Variants in GLCE observed in about 807,000 individuals in gnomAD.
GLCE encodes glucuronic acid epimerase.
GLCE carries 19 observed loss-of-function variants against 47.9 expected under a neutral mutation model. That is an observed-to-expected ratio of 0.40 (90% CI 0.28 to 0.58). The LOEUF (loss-of-function observed/expected upper bound fraction) is 0.58, where lower values mean the gene tolerates loss of function less well. Among genes scored for constraint, GLCE ranks in the 20% least tolerant of loss-of-function variants. GLCE has a pLI of 0.48. For synonymous variants in GLCE, 245 were observed against 263.4 expected, an observed-to-expected ratio of 0.93 and a Z score of 0.68; for missense variants, 556 against 743.3, an observed-to-expected ratio of 0.75 and a Z score of 2.93.
chr15:69,269,338 T>A lies in GLCE; in HGVS notation c.*94T>A. On this transcript the variant is annotated 3_prime_UTR_variant, in exon 5 of 5. Transcript: ENST00000261858. ...CATAGGCACATTTTAAAAGGTTATGTACTAGGTTTTTGTGGATTCTATCAA... is the reference window on the plus strand; with the variant it reads ...CATAGGCACATTTTAAAAGGTTATGAACTAGGTTTTTGTGGATTCTATCAA... 1 of 985,460 alleles carries A rather than the reference T, an allele frequency of 1.0e-6. No individual in the cohort carries two copies. The highest frequency in any genetic ancestry group is 2.4e-5 in the East Asian group (1 of 41,690). The allele number at this position is 985,460 out of a possible 1,614,324, so 61.0% of individuals were successfully genotyped here.
chr15:69,188,124 T>A (rs965445603), intron 1 of GLCE, among the ~76,000 whole-genome samples: 6 of 152,020 alleles, frequency 3.9e-5, no homozygotes, highest in Admixed American at 3.9e-4. Flanking sequence ...ATGCCTGTAG[T>A]CCTAGCTACC....
chr15:69,172,599 TCTTAACGATA>T (rs2051604829), intron 1 of GLCE, among the ~76,000 whole-genome samples: 6 of 81,558 alleles, frequency 7.4e-5, no homozygotes, highest in African/African-American at 1.7e-4. Context: ...TTTGACATCC[TCTTAACGATA>T]TCTTTTTAGA....
chr15:69,244,745 A>C (rs1023000285), intron 2 of GLCE, among the ~76,000 whole-genome samples: 2 of 152,174 alleles, frequency 1.3e-5, no homozygotes, highest in Admixed American at 6.5e-5. Context: ...TAGGGAATGC[A>C]CAAAATTTTT....
rs1350083109 is a variant in GLCE, at chr15:69,261,143, G to T, written c.643G>T (p.Ala215Ser). Residue 215 changes from alanine (A) to serine (S), a missense_variant, in exon 4 of 5, where the codon GCA (alanine) becomes TCA (serine). Transcript: ENST00000261858. ...AGGCTATTTCTATCCAATCCAGATT[G>T]CACAGTATGGATTAAGTCATTACAG... Reference protein sequence around the residue: ...PQGYFYPIQIAQYGLSHYSKN... With the variant: ...PQGYFYPIQISQYGLSHYSKN... 2 of 1,613,130 alleles carry T rather than the reference G, an allele frequency of 1.2e-6. No individual in the cohort carries two copies. The highest frequency in any genetic ancestry group is 3.3e-5 in the Admixed American group (2 of 60,022).
At chr15:69,221,684 G>A (rs559048817) in intron 2 of GLCE, among the ~76,000 whole-genome samples, 20 of 151,882 alleles carry the variant, frequency 1.3e-4, no homozygotes, top group East Asian at 5.8e-4. Flanking sequence ...CCATCATGAC[G>A]AAACCCCGTC....
In GLCE at chr15:69,268,166, A is replaced by G. The variant is rs2053111426; in HGVS notation, c.830-54A>G. On this transcript the variant is annotated intron_variant, in intron 4 of 4. Coordinates refer to ENST00000261858, the MANE Select transcript of GLCE (RefSeq NM_015554.3). The stretch of plus-strand genomic sequence containing the variant: ...AGGATGAATTGCAATTCAATTTCAA[A>G]TACAAAAGTGCTTTTATTCTAACCA... 6.0e-6 allele frequency: 7 copies of G among 1,158,330 alleles called. No individual in the cohort carries two copies. In the South Asian group the frequency reaches 1.2e-4, roughly 19 times the overall value. 71.8% of individuals were successfully genotyped at this position (1,158,330 alleles called of 1,614,324 possible).
intron 2 of GLCE, among the ~76,000 whole-genome samples, chr15:69,222,183 A>G (rs577415747): frequency 2.0e-5 from 3 of 152,324 alleles, no homozygotes; most frequent in African/African-American, 7.2e-5. Flanking sequence ...AGCTGAGCCC[A>G]GGCTGGGCTA....
intron 1 of GLCE, among the ~76,000 whole-genome samples, chr15:69,182,298 T>TGTGTGTGTGTGA (rs1446237319): frequency 2.1e-5 from 3 of 145,720 alleles, no homozygotes; most frequent in Non-Finnish European, 4.5e-5. Flanking sequence ...TGTGTGTGTG[T>TGTGTGTGTGTGA]GAGAGAGAGA....
At chr15:69,225,454 G>A (rs2140395780) in intron 2 of GLCE, among the ~76,000 whole-genome samples, 1 of 152,232 alleles carries the variant, frequency 6.6e-6, no homozygotes, top group South Asian at 2.1e-4. Flanking sequence ...GGTTTTGAGG[G>A]GCAGTTGTTA....
chr15:69,257,134 T>C (rs2052936784), intron 3 of GLCE, among the ~76,000 whole-genome samples: 1 of 152,176 alleles, frequency 6.6e-6, no homozygotes, highest in Non-Finnish European at 1.5e-5. Context: ...TAACTAAATA[T>C]ATATTTTTTG....
chr15:69,209,357 G>A (rs970308939), intron 1 of GLCE, among the ~76,000 whole-genome samples: 4 of 152,004 alleles, frequency 2.6e-5, no homozygotes, highest in Non-Finnish European at 2.9e-5. Flanking sequence ...ATTATGTTAG[G>A]AGACGTTGGG....
chr15:69,254,558 C>G (rs1566970045), intron 2 of GLCE, among the ~76,000 whole-genome samples: 1 of 152,012 alleles, frequency 6.6e-6, no homozygotes, highest in Non-Finnish European at 1.5e-5. Context: ...AGGGTAGTAA[C>G]AATGTAGTTG....
chr15:69,239,511 G>A (rs1214247757), intron 2 of GLCE, among the ~76,000 whole-genome samples: 2 of 152,096 alleles, frequency 1.3e-5, no homozygotes, highest in African/African-American at 4.8e-5. Context: ...TTCCTCACAG[G>A]TACAGATAGC....
At position 69,268,329 on chromosome 15, in the gene GLCE, A is replaced by G. The variant is rs764552909; in HGVS notation, c.939A>G (p.Thr313=). 6.2e-7 allele frequency: 1 copy of G among 1,613,096 alleles called. No individual in the cohort carries two copies. The highest frequency in any genetic ancestry group is 1.1e-5 in the South Asian group (1 of 91,056). ...GTGTGTCCGTGGTTCTAGAGACCAC[A>G]GAAAAGAATCAGCTCTTCACTATAC... is the stretch of plus-strand genomic sequence containing the variant. The part of the protein sequence containing the change: ...NGSVSVVLET[T]EKNQLFTIHY... The change falls in exon 5 of 5, where the codon ACA becomes ACG. Residue 313 remains threonine (T), a synonymous_variant. Transcript: ENST00000261858.
intron 1 of GLCE, among the ~76,000 whole-genome samples, chr15:69,162,685 C>G (rs2051442984): frequency 6.6e-6 from 1 of 152,128 alleles, no homozygotes; most frequent in African/African-American, 2.4e-5. Flanking sequence ...GCTTCCCATC[C>G]CCACCCCCAG....
chr15:69,218,708 T>G (rs1271096319), intron 2 of GLCE, among the ~76,000 whole-genome samples: 2 of 152,212 alleles, frequency 1.3e-5, no homozygotes, highest in Non-Finnish European at 2.9e-5. Context: ...ACTGTCAGTA[T>G]AATACCTATT....
At chr15:69,256,933 A>C (rs1383439355) in intron 3 of GLCE, among the ~76,000 whole-genome samples, 1 of 152,228 alleles carries the variant, frequency 6.6e-6, no homozygotes, top group African/African-American at 2.4e-5. Flanking sequence ...GGATACAATT[A>C]ATATGCTTTG....
intron 1 of GLCE, among the ~76,000 whole-genome samples, chr15:69,163,474 G>A (rs1426382490): frequency 6.6e-6 from 1 of 152,142 alleles, no homozygotes; most frequent in Non-Finnish European, 1.5e-5. Context: ...ATGATGATAC[G>A]ATTGATGTGT....
chr15:69,231,505 G>A (rs1223394011), intron 2 of GLCE, among the ~76,000 whole-genome samples: 1 of 151,722 alleles, frequency 6.6e-6, no homozygotes, highest in Non-Finnish European at 1.5e-5. Context: ...GGATGGTCTC[G>A]ATTTCCTGAT....
Sources: allele counts gnomAD v4.1 joint callset (sites outside exome capture counted in the v4.1 genomes callset), GRCh38; gene constraint gnomAD v4.1.1; transcripts MANE v1.5; gene names NCBI Gene and HGNC (gene_info 2026-07-23, HGNC 2026-07-21).